ADAM7: variants seen among roughly 807,000 people sequenced by gnomAD.
ADAM7 encodes the protein disintegrin and metalloproteinase domain-containing protein 7.
Under a neutral mutation model 102.9 loss-of-function variants are expected in ADAM7, and 97 were observed. The observed-to-expected ratio is 0.94, with a 90% confidence interval of 0.80 to 1.12. ADAM7 has a LOEUF of 1.12. ADAM7 is among the 50% of genes most tolerant of loss of function. ADAM7 has a pLI of 0.00. For synonymous variants in ADAM7, 334 were observed against 304.4 expected, an observed-to-expected ratio of 1.10 and a Z score of -1.01; for missense variants, 991 against 908.7, an observed-to-expected ratio of 1.09 and a Z score of -1.16.
chr8:24,460,869 CTTCTT>C (rs112321396), intron 3 of ADAM7, among the ~76,000 whole-genome samples: 6,692 of 151,860 alleles, frequency 0.044, 206 homozygotes, highest in African/African-American at 0.06. Flanking sequence ...TCATTTATCA[CTTCTT>C]ATCTCTCCCT....
At position 24,492,066 on chromosome 8, in the gene ADAM7, G is replaced by A. The variant is rs761425222; in HGVS notation, c.1520G>A (p.Arg507His). Reference protein sequence around the residue: ...GYCFMGKCPTREDQCSELFDD... With the variant: ...GYCFMGKCPTHEDQCSELFDD... ...TGTTTCATGGGGAAATGTCCAACTC[G>A]TGAGGATCAGTGCTCTGAACTATTT... Residue 507 changes from arginine to histidine, a missense_variant, in exon 14 of 22, where the codon CGT (arginine) becomes CAT (histidine). Arg to His is a conservative substitution (Grantham distance 29). Transcript: ENST00000175238. 98 of 1,613,578 alleles carry A rather than the reference G, an allele frequency of 6.1e-5. No homozygotes were observed. Among genetic ancestry groups the A allele is most frequent in the Non-Finnish European group, 7.2e-5 (85 of 1,179,746 alleles).
chr8:24,455,296 T>A (rs1220202929), intron 3 of ADAM7, among the ~76,000 whole-genome samples: 1 of 152,210 alleles, frequency 6.6e-6, no homozygotes, highest in Non-Finnish European at 1.5e-5. Flanking sequence ...CATTCATCCA[T>A]CAATCCATTC....
chr8:24,465,595 C>A, intron 4 of ADAM7, 104 bp from the exon 5 acceptor site: 1 of 602,878 alleles, frequency 1.7e-6, no homozygotes, highest in Non-Finnish European at 2.5e-6. Context: ...TGCAATTTGT[C>A]AAAATAAAAC....
Position 24,499,255 on chromosome 8 carries a change from G to A in ADAM7, c.1862G>A (p.Cys621Tyr), listed in dbSNP as rs2129395320. 6.2e-7 allele frequency: 1 copy of A among 1,602,464 alleles called. No individual in the cohort carries two copies. The highest frequency in any genetic ancestry group is 8.5e-7 in the Non-Finnish European group (1 of 1,175,360). The change falls in exon 17 of 22, where the codon TGT (cysteine) becomes TAT (tyrosine). Residue 621 changes from cysteine to tyrosine, a missense_variant. Cys to Tyr is a radical substitution (Grantham distance 194). Transcript: ENST00000175238. Reference sequence around the variant, plus strand: ...TTCTAGGTGTGCAACAATGGTGAATGTCTAAACATGGAAAAGGTCTATATC... The same window carrying A: ...TTCTAGGTGTGCAACAATGGTGAATATCTAAACATGGAAAAGGTCTATATC... ...GEGMVCNNGE[C>Y]LNMEKVYIST...
rs926157073 is a variant in ADAM7 at position 24,485,222 on chromosome 8, G to C, written c.876-55G>C. On this transcript the variant is annotated intron_variant, in intron 9 of 21. Transcript: ENST00000175238. ...TGGGGTTCACTGCAATTTGATCTTT[G>C]TGTTAATTAAACTACTAACTCAGAT... is the stretch of plus-strand genomic sequence containing the variant. 6.1e-6 allele frequency: 9 copies of C among 1,487,230 alleles called. No homozygotes were observed. In the South Asian group the frequency reaches 1.0e-4, roughly 17 times the overall value. 92.1% of individuals were successfully genotyped at this position (1,487,230 alleles called of 1,614,324 possible).
chr8:24,501,915 G>A (rs890875595), intron 20 of ADAM7, among the ~76,000 whole-genome samples: 7 of 152,060 alleles, frequency 4.6e-5, no homozygotes, highest in Non-Finnish European at 7.4e-5. Flanking sequence ...AACTGAGCTG[G>A]GCGCAGTGGC....
intron 13 of ADAM7, 149 bp downstream of exon 13, chr8:24,491,037 C>T: frequency 1.4e-6 from 1 of 732,298 alleles, no homozygotes; most frequent in African/African-American, 1.8e-5. Context: ...TTGTGAGATG[C>T]TCCAACATCT....
chr8:24,496,986 C>A (rs919373613), intron 16 of ADAM7, among the ~76,000 whole-genome samples: 1 of 152,166 alleles, frequency 6.6e-6, no homozygotes, highest in African/African-American at 2.4e-5. Context: ...GCTGTGTCTC[C>A]ACCCAAATCT....
chr8:24,463,331 GC>G (rs1475597414), intron 3 of ADAM7, among the ~76,000 whole-genome samples: 1 of 152,108 alleles, frequency 6.6e-6, no homozygotes, highest in Admixed American at 6.5e-5. Flanking sequence ...TGTAAGGCAG[GC>G]TTTATTCAGG....
rs1820986296 is a variant in ADAM7 at position 24,507,359 on chromosome 8, C to A, written c.2209-121C>A. ...TGTCTTGGATTTTTCATGGAGCAAG[C>A]AGAGGTGGCCTGCGTGTGTATGTGC... On this transcript the variant is annotated intron_variant, in intron 20 of 21. Coordinates refer to ENST00000175238, the MANE Select transcript of ADAM7 (RefSeq NM_003817.4). 3 of 696,278 alleles carry A rather than the reference C, an allele frequency of 4.3e-6. No individual in the cohort carries two copies. The South Asian group carries it at 6.0e-5, about 14-fold the overall frequency. 43.1% of individuals were successfully genotyped at this position (696,278 alleles called of 1,614,324 possible). A position where few individuals can be genotyped will look rare whatever the true frequency, so the allele number is the denominator to read the frequency against.
At chr8:24,479,172 C>T (rs182393476) in intron 8 of ADAM7, among the ~76,000 whole-genome samples, 2 of 152,230 alleles carry the variant, frequency 1.3e-5, no homozygotes, top group East Asian at 3.9e-4. Context: ...TCCTCAGTGC[C>T]TTCTAGCCTA....
Position 24,491,907 on chromosome 8 carries a change from A to C in ADAM7, c.1361A>C (p.Lys454Thr). The C allele has an allele frequency of 6.3e-7, 1 of 1,598,934 alleles. No individual in the cohort carries two copies. Among genetic ancestry groups the C allele is most frequent in the Non-Finnish European group, 8.5e-7 (1 of 1,173,640 alleles). ...EGECCESCQI[K>T]KAGSICRPAK... ...CTCTTTGTTTTTCCTCAACAGATAA[A>C]AAAAGCAGGGTCCATATGCAGACCG... The change falls in exon 14 of 22, where the codon AAA becomes ACA. Residue 454 changes from lysine to threonine, a missense_variant. Coordinates refer to ENST00000175238, the MANE Select transcript of ADAM7 (RefSeq NM_003817.4).
chr8:24,503,171 GA>G (rs1410325203), intron 20 of ADAM7, among the ~76,000 whole-genome samples: 1 of 152,104 alleles, frequency 6.6e-6, no homozygotes, highest in Non-Finnish European at 1.5e-5. Context: ...TAAATTATTT[GA>G]AAAAATTATG....
At chr8:24,488,853 T>C (rs1295665697) in intron 11 of ADAM7, among the ~76,000 whole-genome samples, 1 of 152,060 alleles carries the variant, frequency 6.6e-6, no homozygotes, top group African/African-American at 2.4e-5. Flanking sequence ...AACAAATACA[T>C]AGGTTATTTC....
intron 3 of ADAM7, among the ~76,000 whole-genome samples, chr8:24,463,504 G>A (rs1353794737): frequency 6.6e-6 from 1 of 151,974 alleles, no homozygotes; most frequent in Non-Finnish European, 1.5e-5. Context: ...TATATATTAA[G>A]ACGTACTCGC....
At chr8:24,476,087 AG>A in intron 7 of ADAM7, 7 of 400,462 alleles carry the variant, frequency 1.7e-5, no homozygotes, top group South Asian at 1.1e-4. Flanking sequence ...TAGCTTTAAT[AG>A]GTTTGTTTCA....
rs763539881 is a variant in ADAM7, at chr8:24,442,557, C to CA, written c.137_138insA (p.His47ProfsTer2). On this transcript the variant is annotated frameshift_variant, in exon 2 of 22. Transcript: ENST00000175238. LOFTEE classifies it high-confidence loss of function. ...ATACAGAAGCGAGATACTGGACACA[C>CA]CCATGATGATGACATACTGGTACAA... is the stretch of plus-strand genomic sequence containing the variant. 1 of 1,613,632 alleles carries CA rather than the reference C, an allele frequency of 6.2e-7. No homozygotes were observed. The highest frequency in any genetic ancestry group is 1.3e-5 in the African/African-American group (1 of 74,892).
At chr8:24,453,137 G>T (rs1026729300) in intron 3 of ADAM7, among the ~76,000 whole-genome samples, 1 of 151,902 alleles carries the variant, frequency 6.6e-6, no homozygotes, top group Non-Finnish European at 1.5e-5. Flanking sequence ...TGTTGGAGTT[G>T]CTCTTCTCGA....
Position 24,466,930 on chromosome 8 carries a change from A to T in ADAM7, c.521A>T (p.Asn174Ile), listed in dbSNP as rs766298658. ...YGANYSCTEL[N>I]FTRKTVPGDN... is the part of the protein sequence containing the mutation. ...GCCAATTATTCCTGTACAGAGCTTA[A>T]TTTTACCAGAAAAACTGTTCCAGGG... The change falls in exon 6 of 22, where the codon AAT becomes ATT. Residue 174 changes from asparagine to isoleucine, a missense_variant. Asn to Ile is a moderately radical substitution (Grantham distance 149, BLOSUM62 -3). Transcript: ENST00000175238. 37 of 1,613,924 alleles carry T rather than the reference A, an allele frequency of 2.3e-5. No homozygotes were observed. The highest frequency in any genetic ancestry group is 2.5e-5 in the Non-Finnish European group (30 of 1,179,976).
Sources: gnomAD v4.1 joint callset for allele counts (sites outside exome capture counted in the v4.1 genomes callset) on GRCh38, gnomAD v4.1.1 for gene constraint, MANE v1.5 for transcripts, NCBI Gene and HGNC (gene_info 2026-07-23, HGNC 2026-07-21) for gene names.